Variants in LRP1B observed in about 807,000 individuals in gnomAD.
LRP1B encodes the protein low-density lipoprotein receptor-related protein 1B.
In LRP1B, 217 loss-of-function variants were observed where a neutral mutation model predicts 556.6. The observed-to-expected ratio is 0.39, with a 90% confidence interval of 0.35 to 0.44. LRP1B has a LOEUF of 0.44. Among genes scored for constraint, LRP1B ranks in the 20% least tolerant of loss-of-function variants. LRP1B has a pLI of 1.00. For synonymous variants in LRP1B, 2,047 were observed against 1,865.8 expected, an observed-to-expected ratio of 1.10 and a Z score of -2.50; for missense variants, 5,053 against 5,620.8, an observed-to-expected ratio of 0.90 and a Z score of 3.23.
chr2:140,387,029 T>C (rs1573876029), intron 66 of LRP1B, among the ~76,000 whole-genome samples: 1 of 152,246 alleles, frequency 6.6e-6, no homozygotes, highest in South Asian at 2.1e-4. Context: ...AATAGCAAGG[T>C]TCTAAAGTAT....
chr2:141,769,638 T>A (rs1694835713), intron 2 of LRP1B, among the ~76,000 whole-genome samples: 1 of 152,188 alleles, frequency 6.6e-6, no homozygotes, highest in East Asian at 1.9e-4. Context: ...TTAGAAATGA[T>A]GCTGGAACAA....
rs115969055 is a variant in LRP1B at position 140,430,289 on chromosome 2, C to T, written c.10414+12215G>A. On this transcript the variant is annotated intron_variant, in intron 66 of 90. Transcript: ENST00000389484. ...CCCTCACTCTCGCAAAAGGACTACG[C>T]GTCAATATTTATACTGATTCTAAAT... 9.7e-3 allele frequency among the ~76,000 whole-genome samples: 1,481 copies of T among 152,246 alleles called. 40 individuals are homozygous for T. The highest frequency in any genetic ancestry group is 0.034 in the African/African-American group (1,421 of 41,536).
chr2:141,987,461 C>G (rs1164547964), intron 1 of LRP1B, among the ~76,000 whole-genome samples: 2 of 151,766 alleles, frequency 1.3e-5, no homozygotes, highest in South Asian at 2.1e-4. Flanking sequence ...TTATCTCTGA[C>G]AGTGCTTCTG....
At chr2:140,902,260 C>A (rs1359739401) in intron 23 of LRP1B, among the ~76,000 whole-genome samples, 1 of 152,052 alleles carries the variant, frequency 6.6e-6, no homozygotes, top group Non-Finnish European at 1.5e-5. Flanking sequence ...TCTTTAAACA[C>A]CCAATGGATG....
At chr2:140,587,927 G>A (rs939323474) in intron 43 of LRP1B, among the ~76,000 whole-genome samples, 1 of 152,060 alleles carries the variant, frequency 6.6e-6, no homozygotes, top group African/African-American at 2.4e-5. Context: ...ACAGAAAGAA[G>A]TGGCCCAATA....
intron 1 of LRP1B, among the ~76,000 whole-genome samples, chr2:141,894,050 A>T (rs1350274759): frequency 6.6e-6 from 1 of 152,100 alleles, no homozygotes; most frequent in South Asian, 2.1e-4. Flanking sequence ...AGTTATAATT[A>T]GACTTTTATA....
intron 5 of LRP1B, among the ~76,000 whole-genome samples, chr2:141,246,418 G>C (rs1021101621): frequency 6.6e-6 from 1 of 152,238 alleles, no homozygotes. Flanking sequence ...TAGGCCCTTA[G>C]AGATCCTGTG....
At position 141,803,812 on chromosome 2, in the gene LRP1B, G is replaced by T. The variant is rs571835244; in HGVS notation, c.205+6467C>A. Among the ~76,000 whole-genome samples the T allele has an allele frequency of 1.4e-4, 21 of 152,224 alleles. No homozygotes were observed. In the East Asian group the frequency reaches 3.7e-3, roughly 27 times the overall value. ...CTCTGACCTATGTCAAAGATAGAAA[G>T]TTCAGAAGGAAATTATAAAAGGATT... On this transcript the variant is annotated intron_variant, in intron 2 of 90. Transcript: ENST00000389484.
At chr2:141,965,026 C>T (rs1188631302) in intron 1 of LRP1B, among the ~76,000 whole-genome samples, 4 of 138,884 alleles carry the variant, frequency 2.9e-5, no homozygotes, top group Non-Finnish European at 4.7e-5. Context: ...CAGAGAAATG[C>T]AAATCAAAAC....
chr2:140,538,149 TTTTA>T (rs1412684627), intron 45 of LRP1B, among the ~76,000 whole-genome samples: 2 of 152,094 alleles, frequency 1.3e-5, no homozygotes, highest in Non-Finnish European at 2.9e-5. Flanking sequence ...GTTTCCAAGG[TTTTA>T]TTTATTTATT....
At chr2:140,256,240 A>G (rs1335371809) in intron 86 of LRP1B, among the ~76,000 whole-genome samples, 1 of 151,934 alleles carries the variant, frequency 6.6e-6, no homozygotes, top group African/African-American at 2.4e-5. Flanking sequence ...CTCTCCTTAC[A>G]AAGATTATCT....
chr2:140,328,104 G>A (rs1226513755), intron 79 of LRP1B, among the ~76,000 whole-genome samples: 6 of 151,848 alleles, frequency 4.0e-5, no homozygotes, highest in African/African-American at 1.5e-4. Flanking sequence ...CTTTTGCTCT[G>A]TAATAAAGAA....
At chr2:141,428,592 C>A (rs1680456844) in intron 3 of LRP1B, among the ~76,000 whole-genome samples, 1 of 152,122 alleles carries the variant, frequency 6.6e-6, no homozygotes, top group African/African-American at 2.4e-5. Context: ...CTTCAATTGT[C>A]TAATATGTTT....
intron 78 of LRP1B, among the ~76,000 whole-genome samples, chr2:140,335,328 C>T (rs890041379): frequency 1.3e-5 from 2 of 151,760 alleles, no homozygotes; most frequent in Non-Finnish European, 2.9e-5. Context: ...AAACATCACA[C>T]CAGGCTCATT....
chr2:140,641,754 A>T (rs1684303729), intron 41 of LRP1B, among the ~76,000 whole-genome samples: 1 of 152,232 alleles, frequency 6.6e-6, no homozygotes, highest in Non-Finnish European at 1.5e-5. Context: ...TGTCAAAGGC[A>T]TGCATATGAC....
intron 1 of LRP1B, among the ~76,000 whole-genome samples, chr2:142,001,677 T>C (rs1702659717): frequency 6.6e-6 from 1 of 152,228 alleles, no homozygotes; most frequent in Admixed American, 6.5e-5. Flanking sequence ...TTATTAAATG[T>C]TGATGTTTTC....
chr2:141,961,776 A>C (rs1701410377), intron 1 of LRP1B, among the ~76,000 whole-genome samples: 1 of 151,714 alleles, frequency 6.6e-6, no homozygotes, highest in African/African-American at 2.4e-5. Context: ...TGCCTTTAAA[A>C]AATTTAGATC....
At chr2:140,510,464 A>G (rs1689604431) in intron 51 of LRP1B, among the ~76,000 whole-genome samples, 1 of 152,178 alleles carries the variant, frequency 6.6e-6, no homozygotes, top group Non-Finnish European at 1.5e-5. Flanking sequence ...TAACTCATTT[A>G]TTCCTTACAA....
chr2:141,868,988 C>T (rs1698497240), intron 1 of LRP1B, among the ~76,000 whole-genome samples: 1 of 152,040 alleles, frequency 6.6e-6, no homozygotes, highest in Non-Finnish European at 1.5e-5. Context: ...TCTTAATTAG[C>T]AGTACCCATC....
Sources: allele counts gnomAD v4.1 joint callset (sites outside exome capture counted in the v4.1 genomes callset), GRCh38; gene constraint gnomAD v4.1.1; transcripts MANE v1.5; gene names NCBI Gene and HGNC (gene_info 2026-07-23, HGNC 2026-07-21).